GPC3: variants seen among roughly 807,000 people sequenced by gnomAD.
GPC3 encodes glypican 3.
GPC3 carries 3 observed loss-of-function variants against 34.4 expected under a neutral mutation model. The observed-to-expected ratio is 0.09, with a 90% CI of 0.04 to 0.23. The LOEUF (loss-of-function observed/expected upper bound fraction) is 0.23, where lower values mean the gene tolerates loss of function less well. GPC3 is among the 10% of genes least tolerant of loss of function. The probability of loss-of-function intolerance (pLI) is 1.00; values close to 1 mark genes in which losing one functional copy is unlikely to be tolerated. For missense variants in GPC3, 351 were observed against 445.6 expected, an observed-to-expected ratio of 0.79 and a Z score of 1.91; for synonymous variants, 177 against 174.0, an observed-to-expected ratio of 1.02 and a Z score of -0.13.
chrX:133,805,376 C>G (rs1388663179), intron 2 of GPC3, among the ~76,000 whole-genome samples: 1 of 111,251 alleles, frequency 9.0e-6, no homozygotes, highest in Non-Finnish European at 1.9e-5. Context: ...AGGAATTGAA[C>G]CAGTAAAAGG....
chrX:133,658,461 C>T (rs1340457964), intron 6 of GPC3, among the ~76,000 whole-genome samples: 1 of 111,569 alleles, frequency 9.0e-6, no homozygotes, highest in African/African-American at 3.3e-5. Flanking sequence ...AAATGCTATA[C>T]AAAGAGAACA....
At chrX:133,684,610 G>A (rs2070978163) in intron 5 of GPC3, among the ~76,000 whole-genome samples, 1 of 111,107 alleles carries the variant, frequency 9.0e-6, no homozygotes, top group Non-Finnish European at 1.9e-5. Flanking sequence ...TCTTGGCTCT[G>A]TATTTTATTT....
chrX:133,885,511 T>C (rs1222809283), intron 2 of GPC3, among the ~76,000 whole-genome samples: 1 of 111,794 alleles, frequency 8.9e-6, no homozygotes, highest in African/African-American at 3.2e-5. Context: ...AAATAAGTTT[T>C]GTAAACTAGT....
chrX:133,576,594 C>T (rs1486877850), intron 7 of GPC3, among the ~76,000 whole-genome samples: 1 of 111,057 alleles, frequency 9.0e-6, no homozygotes, highest in African/African-American at 3.3e-5. Context: ...ATTTAACTCT[C>T]TGAAACTCAG....
intron 2 of GPC3, among the ~76,000 whole-genome samples, chrX:133,780,384 T>G (rs910756738): frequency 8.0e-5 from 9 of 111,864 alleles, no homozygotes; most frequent in African/African-American, 2.9e-4. Context: ...AATATTTTCT[T>G]TTATACTTTG....
intron 3 of GPC3, among the ~76,000 whole-genome samples, chrX:133,712,962 G>A (rs1233808811): frequency 8.9e-6 from 1 of 112,067 alleles, no homozygotes; most frequent in Non-Finnish European, 1.9e-5. Context: ...AGTCATAGAA[G>A]AAATCATGCC....
chrX:133,949,577 G>T (rs780360724), intron 2 of GPC3, among the ~76,000 whole-genome samples: 1 of 111,813 alleles, frequency 8.9e-6, no homozygotes, highest in South Asian at 3.7e-4. Flanking sequence ...AAAAAACAAG[G>T]TATTGCTGCA....
intron 6 of GPC3, among the ~76,000 whole-genome samples, chrX:133,646,781 G>C (rs1204116548): frequency 8.9e-6 from 1 of 111,790 alleles, no homozygotes; most frequent in African/African-American, 3.3e-5. Flanking sequence ...GCCAGAGCCT[G>C]GGGGCTCTGT....
At chrX:133,712,969 T>G (rs1335100865) in intron 3 of GPC3, among the ~76,000 whole-genome samples, 1 of 112,263 alleles carries the variant, frequency 8.9e-6, no homozygotes, top group Non-Finnish European at 1.9e-5. Context: ...GAAGAAATCA[T>G]GCCACTCTCC....
chrX:133,919,658 T>C (rs958942283), intron 2 of GPC3, among the ~76,000 whole-genome samples: 5 of 109,449 alleles, frequency 4.6e-5, no homozygotes, highest in African/African-American at 6.7e-5. Context: ...CCCATCTCTG[T>C]GAAAATTTAA....
intron 3 of GPC3, among the ~76,000 whole-genome samples, chrX:133,726,568 C>T (rs922076384): frequency 5.0e-4 from 55 of 110,927 alleles, no homozygotes; most frequent in African/African-American, 1.7e-3. Context: ...CATCTGCCAA[C>T]TCTCTCAACC....
chrX:133,675,446 C>T (rs1193522021), intron 5 of GPC3, among the ~76,000 whole-genome samples: 1 of 111,558 alleles, frequency 9.0e-6, no homozygotes, highest in Non-Finnish European at 1.9e-5. Flanking sequence ...ATGACTTCCT[C>T]TTGCCAGCTG....
At chrX:133,650,453 C>A (rs867355706) in intron 6 of GPC3, among the ~76,000 whole-genome samples, 2 of 89,071 alleles carry the variant, frequency 2.2e-5, no homozygotes, top group Admixed American at 1.5e-4. Flanking sequence ...ACCCACACAC[C>A]CACCCACACA....
intron 2 of GPC3, among the ~76,000 whole-genome samples, chrX:133,822,160 T>A (rs752703840): frequency 8.9e-6 from 1 of 112,267 alleles, no homozygotes; most frequent in South Asian, 3.7e-4. Context: ...CACACTGTCT[T>A]GCTGCATCCC....
In GPC3 at chrX:133,795,615, T is replaced by C. The variant is rs1177086389; in HGVS notation, c.338-41439A>G. 2.7e-5 allele frequency among the ~76,000 whole-genome samples: 3 copies of C among 112,195 alleles called. No individual in the cohort carries two copies. The East Asian group carries it at 8.3e-4, about 31-fold the overall frequency. The stretch of plus-strand genomic sequence containing the variant: ...AAAAAACAGTAAAACAACTTTACTA[T>C]CTTGTGTATGTATCTAAATACCTAT... On this transcript the variant is annotated intron_variant, in intron 2 of 7. Coordinates refer to ENST00000370818, the MANE Select transcript of GPC3 (RefSeq NM_004484.4).
chrX:133,971,146 T>C (rs754916031), intron 1 of GPC3, among the ~76,000 whole-genome samples: 1 of 112,332 alleles, frequency 8.9e-6, no homozygotes, highest in African/African-American at 3.2e-5. Flanking sequence ...AAAAGAGATT[T>C]CTAAGAACAA....
At chrX:133,863,188 CA>C (rs2075946402) in intron 2 of GPC3, among the ~76,000 whole-genome samples, 1 of 112,221 alleles carries the variant, frequency 8.9e-6, no homozygotes, top group South Asian at 3.7e-4. Context: ...CTAGAAACAG[CA>C]AATAAAACAT....
chrX:133,712,654 C>T (rs1260672091), intron 3 of GPC3, among the ~76,000 whole-genome samples: 2 of 109,103 alleles, frequency 1.8e-5, no homozygotes, highest in Admixed American at 9.8e-5. Flanking sequence ...CTGAGGCGGG[C>T]GGATCACTTG....
chrX:133,559,174 G>A (rs1002281205), intron 7 of GPC3, among the ~76,000 whole-genome samples: 7 of 109,614 alleles, frequency 6.4e-5, no homozygotes, highest in African/African-American at 1.3e-4. Flanking sequence ...TGCAACCTCC[G>A]CCTCACAGGC....
Sources: gnomAD v4.1 joint callset for allele counts (sites outside exome capture counted in the v4.1 genomes callset) on GRCh38, gnomAD v4.1.1 for gene constraint, MANE v1.5 for transcripts, NCBI Gene and HGNC (gene_info 2026-07-23, HGNC 2026-07-21) for gene names.